The following DDC variants were observed in gnomAD, a reference collection of about 807,000 sequenced individuals.
DDC encodes dopa decarboxylase.
A neutral mutation model predicts 60.0 loss-of-function variants in DDC; 43 were observed. The observed-to-expected ratio is 0.72, with a 90% CI of 0.56 to 0.92. The LOEUF (loss-of-function observed/expected upper bound fraction) is 0.92, where lower values mean the gene tolerates loss of function less well. Among genes scored for constraint, DDC ranks in the 40% least tolerant of loss-of-function variants. The pLI, the probability that DDC is intolerant of heterozygous loss-of-function variation, is 0.00. For synonymous variants in DDC, 232 were observed against 234.6 expected (o/e 0.99, Z 0.10); for missense variants, 573 against 620.2 (o/e 0.92, Z 0.81).
intron 4 of DDC, among the ~76,000 whole-genome samples, chr7:50,534,928 C>A (rs1032765924): frequency 2.6e-5 from 4 of 152,146 alleles, no homozygotes; most frequent in African/African-American, 9.7e-5. Flanking sequence ...TGTGCAGTAG[C>A]TCCCTCCCCT....
chr7:50,529,335 G>A lies in DDC; in HGVS notation c.443C>T (p.Ala148Val). ...CAGGGCCACCAGGGTGGCTTCACTG[G>A]CACTTCCCTAAATTCAAGAGAAGGT... ...GEGGGVIQGS[A>V]SEATLVALLA... The change falls in exon 5 of 15, where the codon GCC (alanine) becomes GTC (valine). Residue 148 changes from alanine (A) to valine (V), a missense_variant. Transcript: ENST00000444124. The A allele has an allele frequency of 6.2e-7, 1 of 1,614,188 alleles. No homozygotes were observed. Among genetic ancestry groups the A allele is most frequent in the Non-Finnish European group, 8.5e-7 (1 of 1,180,030 alleles).
intron 8 of DDC, among the ~76,000 whole-genome samples, 160 bp from the exon 9 acceptor site, chr7:50,495,577 AG>A (rs200375903): frequency 1.3e-5 from 2 of 152,112 alleles, no homozygotes; most frequent in Non-Finnish European, 2.9e-5. Context: ...TGTAGTGGGT[AG>A]GGGAGTCTTC....
chr7:50,556,594 T>C (rs1180691421), intron 1 of DDC, among the ~76,000 whole-genome samples: 1 of 152,136 alleles, frequency 6.6e-6, no homozygotes, highest in African/African-American at 2.4e-5. Flanking sequence ...TACAAGATAA[T>C]TACAAAGTAG....
At chr7:50,503,143 T>C (rs1163251628) in intron 7 of DDC, among the ~76,000 whole-genome samples, 1 of 152,224 alleles carries the variant, frequency 6.6e-6, no homozygotes, top group Non-Finnish European at 1.5e-5. Flanking sequence ...AATTCCCTGG[T>C]AGCTGTTGTG....
chr7:50,492,436 T>C (rs1186552006), intron 9 of DDC, among the ~76,000 whole-genome samples: 4 of 152,336 alleles, frequency 2.6e-5, no homozygotes, highest in East Asian at 3.9e-4. Context: ...TCTTGTTCTG[T>C]CGAGAACGCA....
chr7:50,494,274 G>A (rs1042767266), intron 9 of DDC, among the ~76,000 whole-genome samples: 30 of 152,334 alleles, frequency 2.0e-4, no homozygotes, highest in Non-Finnish European at 3.4e-4. Context: ...TTGGGAGGCC[G>A]AGGAGGGTGG....
rs1370469378 is a variant in DDC at position 50,463,259 on chromosome 7, G to A, written c.1415C>T (p.Ala472Val). 7 of 1,613,964 alleles carry A rather than the reference G, an allele frequency of 4.3e-6. No individual in the cohort carries two copies. Among genetic ancestry groups the A allele is most frequent in the Admixed American group, 1.7e-5 (1 of 60,000 alleles). Residue 472 changes from alanine (A) to valine (V), a missense_variant, in exon 14 of 15, where the codon GCC (alanine) becomes GTC (valine). Transcript: ENST00000444124. Reference protein sequence around the residue: ...RAWEHIKELAADVLRAERE With the variant: ...RAWEHIKELAVDVLRAERE Reference sequence around the variant, plus strand: ...CTCCCTCTCTGCTCGCAGCACGTCGGCCGCCAGCTCTTTGATGTGTTCCCA... The same window carrying A: ...CTCCCTCTCTGCTCGCAGCACGTCGACCGCCAGCTCTTTGATGTGTTCCCA...
chr7:50,530,134 A>T (rs2044157606), intron 4 of DDC, among the ~76,000 whole-genome samples: 1 of 152,078 alleles, frequency 6.6e-6, no homozygotes, highest in South Asian at 2.1e-4. Flanking sequence ...CGTGCCTGGT[A>T]GTCCCAGCTA....
chr7:50,465,409 C>G (rs990301282), intron 13 of DDC, among the ~76,000 whole-genome samples: 4 of 152,096 alleles, frequency 2.6e-5, no homozygotes, highest in Non-Finnish European at 4.4e-5. Flanking sequence ...CTTGCTCTGT[C>G]GCCCAGGCTG....
intron 1 of DDC, among the ~76,000 whole-genome samples, chr7:50,554,686 C>T (rs1484265797): frequency 1.3e-5 from 2 of 152,162 alleles, no homozygotes; most frequent in Non-Finnish European, 2.9e-5. Flanking sequence ...GTGCTCAGGC[C>T]TACTTTCCAT....
rs1466628853 is a variant in DDC, at chr7:50,458,734, T to C, written c.*128A>G. ...CAAAATCACAACCCTCTGGATAACTTTGGAGAAAGACATGGGAAGCCACAG... is the reference window on the plus strand; with the variant it reads ...CAAAATCACAACCCTCTGGATAACTCTGGAGAAAGACATGGGAAGCCACAG... On this transcript the variant is annotated 3_prime_UTR_variant, in exon 15 of 15. Coordinates refer to ENST00000444124, the MANE Select transcript of DDC (RefSeq NM_001082971.2). 1 of 152,196 alleles carries C rather than the reference T, an allele frequency of 6.6e-6. No homozygotes were observed. Among genetic ancestry groups the C allele is most frequent in the Admixed American group, 6.5e-5 (1 of 15,288 alleles). The allele number at this position is 152,196 out of a possible 1,614,324, so 9.4% of individuals were successfully genotyped here.
chr7:50,479,962 C>T, intron 9 of DDC, 99 bp from the exon 10 acceptor site: 1 of 866,776 alleles, frequency 1.2e-6, no homozygotes, highest in Non-Finnish European at 1.8e-6. Flanking sequence ...CACCTGCTCC[C>T]AGCCCTGCCC....
intron 11 of DDC, among the ~76,000 whole-genome samples, chr7:50,475,793 G>C (rs1244759672): frequency 1.3e-5 from 2 of 151,806 alleles, no homozygotes; most frequent in Non-Finnish European, 2.9e-5. Context: ...AGGTTCCAAT[G>C]ATTCTCCTGC....
chr7:50,529,119 A>G (rs1432027248), intron 5 of DDC, 89 bp downstream of exon 5: 7 of 1,546,248 alleles, frequency 4.5e-6, no homozygotes, highest in Non-Finnish European at 6.2e-6. Flanking sequence ...TTAGATTTGG[A>G]AGGATGCTGT....
intron 13 of DDC, among the ~76,000 whole-genome samples, chr7:50,466,443 C>T (rs1217308749): frequency 2.7e-5 from 4 of 149,630 alleles, no homozygotes; most frequent in African/African-American, 9.9e-5. Flanking sequence ...CGAGATTACA[C>T]CACTGCACTC....
chr7:50,478,270 G>T (rs2042692575), intron 10 of DDC, among the ~76,000 whole-genome samples: 1 of 152,090 alleles, frequency 6.6e-6, no homozygotes, highest in African/African-American at 2.4e-5. Flanking sequence ...TGAGGGAATG[G>T]CCCACCTTTT....
chr7:50,552,674 T>C (rs1403884844), intron 1 of DDC, among the ~76,000 whole-genome samples: 2 of 152,206 alleles, frequency 1.3e-5, no homozygotes, highest in Non-Finnish European at 2.9e-5. Flanking sequence ...TTATTTATTT[T>C]TGCATTTGCA....
chr7:50,488,195 AC>A (rs1462963034), intron 9 of DDC, among the ~76,000 whole-genome samples: 1 of 152,008 alleles, frequency 6.6e-6, no homozygotes, highest in Non-Finnish European at 1.5e-5. Flanking sequence ...TTGTTAAAAA[AC>A]GACATATAAT....
intron 1 of DDC, among the ~76,000 whole-genome samples, chr7:50,561,968 A>G (rs1474919850): frequency 6.6e-6 from 1 of 152,086 alleles, no homozygotes; most frequent in East Asian, 1.9e-4. Context: ...ATGCATGCAT[A>G]CCACACACAC....
Sources: gnomAD v4.1 joint callset for allele counts (sites outside exome capture counted in the v4.1 genomes callset) on GRCh38, gnomAD v4.1.1 for gene constraint, MANE v1.5 for transcripts, NCBI Gene and HGNC (gene_info 2026-07-23, HGNC 2026-07-21) for gene names.